The following SLC10A7 variants were observed in gnomAD, a reference collection of about 807,000 sequenced individuals.
SLC10A7 encodes solute carrier family 10 member 7, also known as sodium/bile acid cotransporter 7.
A neutral mutation model predicts 43.2 loss-of-function variants in SLC10A7; 29 were observed. That is an observed-to-expected ratio of 0.67 (90% CI 0.50 to 0.92). SLC10A7 has a LOEUF of 0.92. Ranked by LOEUF, SLC10A7 falls within the 40% of genes least tolerant of loss-of-function variation. The pLI is 0.00. For missense variants in SLC10A7, 295 were observed against 403.2 expected, an observed-to-expected ratio of 0.73 and a Z score of 2.30; for synonymous variants, 152 against 144.8, an observed-to-expected ratio of 1.05 and a Z score of -0.35.
At chr4:146,503,202 T>C (rs1736578990) in intron 4 of SLC10A7, among the ~76,000 whole-genome samples, 1 of 152,176 alleles carries the variant, frequency 6.6e-6, no homozygotes, top group African/African-American at 2.4e-5. Context: ...ATCTTTTTTC[T>C]GAATGAGAGA....
chr4:146,272,253 A>G (rs1407189316), intron 10 of SLC10A7, among the ~76,000 whole-genome samples: 1 of 152,192 alleles, frequency 6.6e-6, no homozygotes, highest in Non-Finnish European at 1.5e-5. Context: ...TCACAGCTAC[A>G]ATTTCATTAA....
intron 5 of SLC10A7, among the ~76,000 whole-genome samples, chr4:146,428,753 TA>T (rs986799017): frequency 6.6e-6 from 1 of 152,122 alleles, no homozygotes; most frequent in African/African-American, 2.4e-5. Context: ...CACAAGTAGA[TA>T]AAAAATAAAC....
chr4:146,323,097 C>T (rs867106269), intron 6 of SLC10A7, among the ~76,000 whole-genome samples: 1 of 152,028 alleles, frequency 6.6e-6, no homozygotes. Flanking sequence ...GTTTGAGTTC[C>T]TTGTAGATTC....
intron 7 of SLC10A7, among the ~76,000 whole-genome samples, chr4:146,304,545 T>C (rs1437239984): frequency 6.6e-6 from 1 of 152,158 alleles, no homozygotes; most frequent in Non-Finnish European, 1.5e-5. Context: ...TCAGTTTCCA[T>C]GTAGTTGAGC....
At chr4:146,285,334 C>T (rs186814188) in intron 9 of SLC10A7, among the ~76,000 whole-genome samples, 259 of 152,154 alleles carry the variant, frequency 1.7e-3, no homozygotes, top group African/African-American at 5.9e-3. Context: ...AGAGTGAAAA[C>T]AGGAGATGGT....
At chr4:146,394,749 C>T (rs932861113) in intron 5 of SLC10A7, among the ~76,000 whole-genome samples, 5 of 152,096 alleles carry the variant, frequency 3.3e-5, no homozygotes, top group African/African-American at 1.2e-4. Flanking sequence ...ACATGAACCA[C>T]ATAAACAAAT....
chr4:146,436,024 A>T (rs1377263074), intron 5 of SLC10A7, among the ~76,000 whole-genome samples: 1 of 152,208 alleles, frequency 6.6e-6, no homozygotes, highest in South Asian at 2.1e-4. Flanking sequence ...GATTTCTTTA[A>T]ATGGTAATGA....
intron 5 of SLC10A7, among the ~76,000 whole-genome samples, chr4:146,344,699 A>G (rs1049483132): frequency 1.1e-4 from 17 of 151,714 alleles, no homozygotes; most frequent in Admixed American, 2.0e-4. Context: ...ATGTGATATC[A>G]AAAGAGATTT....
intron 10 of SLC10A7, among the ~76,000 whole-genome samples, chr4:146,265,890 G>GT (rs1323517064): frequency 6.6e-6 from 1 of 152,200 alleles, no homozygotes; most frequent in Non-Finnish European, 1.5e-5. Flanking sequence ...GAGTACTGAA[G>GT]TATGGAGTAA....
intron 4 of SLC10A7, among the ~76,000 whole-genome samples, chr4:146,502,254 C>A (rs953796771): frequency 3.3e-5 from 5 of 152,102 alleles, no homozygotes; most frequent in African/African-American, 1.2e-4. Flanking sequence ...AAATACAGTA[C>A]CAAATGTTGA....
At chr4:146,272,002 T>G (rs769881738) in intron 10 of SLC10A7, among the ~76,000 whole-genome samples, 8 of 152,206 alleles carry the variant, frequency 5.3e-5, no homozygotes, top group Non-Finnish European at 8.8e-5. Context: ...CACCATCTGA[T>G]GTCCTGTATA....
At chr4:146,278,835 A>G (rs1206730407) in intron 10 of SLC10A7, among the ~76,000 whole-genome samples, 1 of 152,166 alleles carries the variant, frequency 6.6e-6, no homozygotes. Flanking sequence ...AGAGAACTGG[A>G]ACAGGAATCC....
chr4:146,506,518 C>T (rs184892096), intron 3 of SLC10A7, among the ~76,000 whole-genome samples: 1 of 152,238 alleles, frequency 6.6e-6, no homozygotes, highest in East Asian at 1.9e-4. Context: ...CCCCAGAGAC[C>T]ATTCTCTTTA....
chr4:146,256,749 G>C lies in SLC10A7; in HGVS notation c.994-229C>G, dbSNP rs952455126. On this transcript the variant is annotated intron_variant, in intron 11 of 11. Transcript: ENST00000335472. The stretch of plus-strand genomic sequence containing the variant: ...CACACCTGGCCTGGCTACTCGTATG[G>C]TTCCCCTGTGCACTAGATGGTAGCC... 4.1e-6 allele frequency: 5 copies of C among 1,208,436 alleles called. No individual in the cohort carries two copies. The African/African-American group carries it at 7.6e-5, about 18-fold the overall frequency. The allele number at this position is 1,208,436 out of a possible 1,614,324, so 74.9% of individuals were successfully genotyped here.
intron 5 of SLC10A7, among the ~76,000 whole-genome samples, chr4:146,405,511 T>C (rs1404521525): frequency 6.6e-6 from 1 of 152,178 alleles, no homozygotes; most frequent in Non-Finnish European, 1.5e-5. Flanking sequence ...AGAAAATCAA[T>C]TTGGAAAATG....
intron 10 of SLC10A7, among the ~76,000 whole-genome samples, chr4:146,270,247 G>T (rs1456285962): frequency 6.6e-6 from 1 of 152,128 alleles, no homozygotes; most frequent in African/African-American, 2.4e-5. Context: ...CTAGGCAGAA[G>T]AAATTTAAAA....
At chr4:146,320,429 G>A (rs114309499) in intron 6 of SLC10A7, among the ~76,000 whole-genome samples, 201 of 152,086 alleles carry the variant, frequency 1.3e-3, no homozygotes, top group African/African-American at 4.6e-3. Flanking sequence ...TAGATGGATC[G>A]TAAAGGTGAT....
intron 4 of SLC10A7, among the ~76,000 whole-genome samples, chr4:146,499,410 C>T (rs1736201503): frequency 6.6e-6 from 1 of 152,184 alleles, no homozygotes; most frequent in Non-Finnish European, 1.5e-5. Context: ...CACACACCAA[C>T]AAATTCACTG....
intron 6 of SLC10A7, among the ~76,000 whole-genome samples, chr4:146,309,923 TAGTG>T (rs1338339683): frequency 6.6e-6 from 1 of 152,134 alleles, no homozygotes; most frequent in Non-Finnish European, 1.5e-5. Context: ...ATCACCAAGA[TAGTG>T]AGCATAGTAC....
Sources: gnomAD v4.1 joint callset for allele counts (sites outside exome capture counted in the v4.1 genomes callset) on GRCh38, gnomAD v4.1.1 for gene constraint, MANE v1.5 for transcripts, NCBI Gene and HGNC (gene_info 2026-07-23, HGNC 2026-07-21) for gene names.